Variants in CADM2 observed in about 807,000 individuals in gnomAD.
The protein encoded by CADM2 is cell adhesion molecule 2, also known as immunoglobulin superfamily member 4D.
A neutral mutation model predicts 49.8 loss-of-function variants in CADM2; 12 were observed. The observed-to-expected ratio is 0.24, with a 90% CI of 0.15 to 0.39. The LOEUF (loss-of-function observed/expected upper bound fraction) is 0.39. Ranked by LOEUF, CADM2 falls within the 10% of genes least tolerant of loss-of-function variation. CADM2 has a pLI of 1.00. For missense variants in CADM2, 378 were observed against 492.3 expected (o/e 0.77, Z 2.20); for synonymous variants, 214 against 175.4 (o/e 1.22, Z -1.74).
intron 8 of CADM2, among the ~76,000 whole-genome samples, chr3:86,008,364 A>T (rs1447200026): frequency 6.6e-6 from 1 of 152,110 alleles, no homozygotes; most frequent in Admixed American, 6.5e-5. Flanking sequence ...TAGCACATTG[A>T]CTATTATAAC....
intron 1 of CADM2, among the ~76,000 whole-genome samples, chr3:85,085,720 T>A (rs1008161552): frequency 6.6e-5 from 10 of 152,170 alleles, no homozygotes; most frequent in Non-Finnish European, 1.2e-4. Flanking sequence ...TGTGTGATTG[T>A]CTTTAAACAC....
chr3:85,330,483 T>G (rs1421861926), intron 1 of CADM2, among the ~76,000 whole-genome samples: 11 of 152,214 alleles, frequency 7.2e-5, no homozygotes, highest in Admixed American at 7.2e-4. Flanking sequence ...CCAACAACAC[T>G]GACACCACTG....
chr3:86,040,175 C>A (rs1250125227), intron 8 of CADM2, among the ~76,000 whole-genome samples: 1 of 152,086 alleles, frequency 6.6e-6, no homozygotes, highest in Non-Finnish European at 1.5e-5. Flanking sequence ...AATCAGAGCA[C>A]CTCTCCTCCT....
chr3:85,136,013 A>G (rs2039406233), intron 1 of CADM2, among the ~76,000 whole-genome samples: 1 of 152,004 alleles, frequency 6.6e-6, no homozygotes, highest in Non-Finnish European at 1.5e-5. Context: ...TCATTTATCT[A>G]TTGGTGTGTT....
intron 1 of CADM2, among the ~76,000 whole-genome samples, chr3:85,273,021 C>T (rs534080746): frequency 1.3e-4 from 19 of 150,958 alleles, no homozygotes; most frequent in African/African-American, 4.6e-4. Flanking sequence ...GGTGAAGGAG[C>T]CTTATCATTG....
chr3:85,662,709 C>T lies in CADM2; in HGVS notation c.62-63813C>T, dbSNP rs189170961. 2.6e-5 allele frequency among the ~76,000 whole-genome samples: 4 copies of T among 152,084 alleles called. No homozygotes were observed. In the East Asian group the frequency reaches 5.8e-4, roughly 22 times the overall value. The stretch of plus-strand genomic sequence containing the variant: ...ACCATCTTACCATCTGGGAAGTGTT[C>T]GTTGACACCTTTTCTTCCCACCTAT... On this transcript the variant is annotated intron_variant, in intron 1 of 9. Transcript: ENST00000383699.
intron 1 of CADM2, among the ~76,000 whole-genome samples, chr3:85,654,043 C>T (rs1469759086): frequency 1.3e-5 from 2 of 152,208 alleles, no homozygotes; most frequent in Non-Finnish European, 2.9e-5. Flanking sequence ...TTGACAAGAG[C>T]AGTTCAGTGG....
intron 1 of CADM2, among the ~76,000 whole-genome samples, chr3:84,971,122 G>T (rs1179687882): frequency 1.3e-5 from 2 of 152,064 alleles, no homozygotes; most frequent in Non-Finnish European, 2.9e-5. Context: ...ACTTAAAATT[G>T]AATTTCAGTT....
intron 1 of CADM2, among the ~76,000 whole-genome samples, chr3:85,140,835 TTTGCAGAC>T (rs1266723543): frequency 5.3e-5 from 8 of 152,172 alleles, no homozygotes; most frequent in African/African-American, 1.9e-4. Context: ...CTTGGCAGGA[TTTGCAGAC>T]TTGCTTTTAA....
intron 3 of CADM2, among the ~76,000 whole-genome samples, chr3:85,809,954 A>G (rs888829690): frequency 3.3e-5 from 5 of 151,956 alleles, no homozygotes; most frequent in Non-Finnish European, 4.4e-5. Context: ...AAGTGCATGC[A>G]TATTGAATCG....
At chr3:85,363,863 G>C (rs373319982) in intron 1 of CADM2, among the ~76,000 whole-genome samples, 1 of 151,116 alleles carries the variant, frequency 6.6e-6, no homozygotes, top group Admixed American at 6.6e-5. Context: ...CGCCCGCCTC[G>C]GCCTCCTAAA....
At chr3:84,961,223 C>T (rs1490259774) in intron 1 of CADM2, among the ~76,000 whole-genome samples, 2 of 152,148 alleles carry the variant, frequency 1.3e-5, no homozygotes, top group African/African-American at 2.4e-5. Context: ...AATGCATCCT[C>T]TCTCCTGCCC....
intron 1 of CADM2, among the ~76,000 whole-genome samples, chr3:85,530,399 C>T (rs1300623178): frequency 4.8e-5 from 6 of 125,242 alleles, no homozygotes; most frequent in South Asian, 2.5e-4. Context: ...GGCGCGATCT[C>T]GGCTCACTGC....
chr3:85,059,446 A>C (rs185425155), intron 1 of CADM2, among the ~76,000 whole-genome samples: 1 of 152,296 alleles, frequency 6.6e-6, no homozygotes, highest in Non-Finnish European at 1.5e-5. Flanking sequence ...TATTGTTTAA[A>C]TAATGATAAC....
At chr3:85,325,294 A>G (rs183635219) in intron 1 of CADM2, among the ~76,000 whole-genome samples, 2 of 152,330 alleles carry the variant, frequency 1.3e-5, no homozygotes, top group East Asian at 3.9e-4. Context: ...TACTCCTGAC[A>G]TGTAATACAT....
chr3:85,260,018 T>A (rs2042979830), intron 1 of CADM2, among the ~76,000 whole-genome samples: 1 of 152,092 alleles, frequency 6.6e-6, no homozygotes, highest in African/African-American at 2.4e-5. Flanking sequence ...TTTCCCTGGT[T>A]AGTTTGCCTC....
chr3:85,099,467 A>G (rs1309170563), intron 1 of CADM2, among the ~76,000 whole-genome samples: 3 of 92,330 alleles, frequency 3.2e-5, no homozygotes, highest in Non-Finnish European at 4.3e-5. Flanking sequence ...AACATGAATT[A>G]AATTTTTTTT....
chr3:86,018,471 T>G (rs1732635398), intron 8 of CADM2, among the ~76,000 whole-genome samples: 1 of 152,016 alleles, frequency 6.6e-6, no homozygotes. Context: ...CCACAATGGT[T>G]TAACTAGTTT....
intron 1 of CADM2, among the ~76,000 whole-genome samples, chr3:85,643,083 A>G (rs546639761): frequency 1.3e-5 from 2 of 152,274 alleles, no homozygotes; most frequent in South Asian, 4.1e-4. Flanking sequence ...ACACAATTAT[A>G]ATATTGATTG....
Sources: gnomAD v4.1 joint callset for allele counts (sites outside exome capture counted in the v4.1 genomes callset) on GRCh38, gnomAD v4.1.1 for gene constraint, MANE v1.5 for transcripts, NCBI Gene and HGNC (gene_info 2026-07-23, HGNC 2026-07-21) for gene names.